NTM: variants seen among roughly 807,000 people sequenced by gnomAD.
The protein encoded by NTM is IgLON family member 2.
A neutral mutation model predicts 42.1 loss-of-function variants in NTM; 13 were observed. The ratio of observed to expected loss-of-function variants is 0.31; its 90% CI spans 0.20 to 0.49. The LOEUF (loss-of-function observed/expected upper bound fraction) is 0.49. Among genes scored for constraint, NTM ranks in the 20% least tolerant of loss-of-function variants. The probability of loss-of-function intolerance (pLI) is 0.99; values close to 1 mark genes in which losing one functional copy is unlikely to be tolerated. For missense variants in NTM, 373 were observed against 452.8 expected (o/e 0.82, Z 1.60); for synonymous variants, 187 against 179.2 (o/e 1.04, Z -0.35).
At chr11:131,421,119 G>A (rs1947473258) in intron 1 of NTM, among the ~76,000 whole-genome samples, 1 of 152,194 alleles carries the variant, frequency 6.6e-6, no homozygotes. Context: ...GGAGAAGCAT[G>A]CCATCTTATT....
intron 1 of NTM, among the ~76,000 whole-genome samples, chr11:131,729,439 T>C (rs995034931): frequency 6.6e-6 from 1 of 152,228 alleles, no homozygotes; most frequent in African/African-American, 2.4e-5. Flanking sequence ...AATTGAGATA[T>C]AATTCATGCT....
At chr11:131,404,133 A>C (rs1945551579) in intron 1 of NTM, among the ~76,000 whole-genome samples, 1 of 152,124 alleles carries the variant, frequency 6.6e-6, no homozygotes, top group Non-Finnish European at 1.5e-5. Flanking sequence ...TCTTCTCGGT[A>C]AAGCTTCTTA....
At chr11:132,297,955 G>A (rs2094686379) in intron 4 of NTM, among the ~76,000 whole-genome samples, 1 of 152,142 alleles carries the variant, frequency 6.6e-6, no homozygotes, top group Admixed American at 6.6e-5. Context: ...AAGAACCCCT[G>A]CCCTACAAAA....
chr11:131,456,585 G>A (rs1950915137), intron 1 of NTM, among the ~76,000 whole-genome samples: 1 of 152,036 alleles, frequency 6.6e-6, no homozygotes, highest in African/African-American at 2.4e-5. Context: ...GCAAAGAGGG[G>A]GTTCAGCTCA....
At chr11:131,947,181 A>G (rs1308467888) in intron 2 of NTM, among the ~76,000 whole-genome samples, 1 of 152,200 alleles carries the variant, frequency 6.6e-6, no homozygotes, top group Admixed American at 6.5e-5. Context: ...CTTTTCATAT[A>G]GGTTCCATGC....
intron 1 of NTM, among the ~76,000 whole-genome samples, chr11:131,709,902 A>G (rs2076949815): frequency 6.6e-6 from 1 of 152,148 alleles, no homozygotes; most frequent in Non-Finnish European, 1.5e-5. Flanking sequence ...TGATGGAAGG[A>G]AAAAATAAGA....
chr11:131,515,973 G>A (rs1278668340), intron 1 of NTM, among the ~76,000 whole-genome samples: 1 of 152,160 alleles, frequency 6.6e-6, no homozygotes, highest in Non-Finnish European at 1.5e-5. Flanking sequence ...TATGGAATTA[G>A]GGTTTAGAAA....
intron 1 of NTM, among the ~76,000 whole-genome samples, chr11:131,902,378 C>T (rs1378352106): frequency 1.3e-5 from 2 of 152,220 alleles, no homozygotes; most frequent in Admixed American, 1.3e-4. Context: ...CTCACTGGTG[C>T]TTTGTCCCCT....
At chr11:132,317,930 G>A (rs75080811) in intron 7 of NTM, among the ~76,000 whole-genome samples, 17 of 152,184 alleles carry the variant, frequency 1.1e-4, no homozygotes, top group African/African-American at 2.2e-4. Context: ...GAAAAGTATC[G>A]TTAAATTCTC....
chr11:131,384,294 T>G (rs1359124750), intron 1 of NTM, among the ~76,000 whole-genome samples: 2 of 152,096 alleles, frequency 1.3e-5, no homozygotes, highest in African/African-American at 4.8e-5. Context: ...AAAAGCAGAT[T>G]GACAAAAAGT....
chr11:131,817,874 C>A (rs1238880283), intron 1 of NTM, among the ~76,000 whole-genome samples: 6 of 152,250 alleles, frequency 3.9e-5, no homozygotes, highest in African/African-American at 1.4e-4. Flanking sequence ...CTCATGGGAG[C>A]TGAGAGGCCC....
intron 2 of NTM, among the ~76,000 whole-genome samples, chr11:132,046,400 C>G (rs61901973): frequency 6.6e-6 from 1 of 151,248 alleles, no homozygotes; most frequent in Non-Finnish European, 1.5e-5. Context: ...AAAAAAAACC[C>G]ACCCCTTTAC....
intron 4 of NTM, among the ~76,000 whole-genome samples, chr11:132,215,671 T>A (rs536306681): frequency 6.6e-6 from 1 of 152,354 alleles, no homozygotes; most frequent in East Asian, 1.9e-4. Context: ...ATTGATTGTT[T>A]GAATAATTTC....
At chr11:131,729,755 T>A (rs1005097048) in intron 1 of NTM, among the ~76,000 whole-genome samples, 4 of 152,240 alleles carry the variant, frequency 2.6e-5, no homozygotes, top group Non-Finnish European at 4.4e-5. Flanking sequence ...AGCACTTTTT[T>A]TCCTTTTATG....
At chr11:131,980,747 T>A (rs192237750) in intron 2 of NTM, among the ~76,000 whole-genome samples, 2 of 152,220 alleles carry the variant, frequency 1.3e-5, no homozygotes, top group East Asian at 3.9e-4. Flanking sequence ...AGATGCTCAG[T>A]GTGGTGATAG....
intron 1 of NTM, among the ~76,000 whole-genome samples, chr11:131,705,227 G>C (rs1004276700): frequency 2.0e-5 from 3 of 152,196 alleles, no homozygotes; most frequent in Non-Finnish European, 2.9e-5. Flanking sequence ...GAAGCAGTAA[G>C]AGAAAAGTGA....
intron 1 of NTM, among the ~76,000 whole-genome samples, chr11:131,716,790 A>AC (rs2077737289): frequency 6.6e-6 from 1 of 151,976 alleles, no homozygotes; most frequent in Non-Finnish European, 1.5e-5. Context: ...TCACTGGCCT[A>AC]TTTTTCAGTA....
At chr11:131,752,749 A>G (rs1031943080) in intron 1 of NTM, among the ~76,000 whole-genome samples, 1 of 151,590 alleles carries the variant, frequency 6.6e-6, no homozygotes, top group Non-Finnish European at 1.5e-5. Context: ...TTCAAGATTG[A>G]TTAAAGACTT....
At chr11:132,189,677 C>G (rs938088104) in intron 3 of NTM, among the ~76,000 whole-genome samples, 1 of 151,322 alleles carries the variant, frequency 6.6e-6, no homozygotes, top group Non-Finnish European at 1.5e-5. Flanking sequence ...CAGACACACA[C>G]GATACTTGAG....
Sources: allele counts gnomAD v4.1 joint callset (sites outside exome capture counted in the v4.1 genomes callset), GRCh38; gene constraint gnomAD v4.1.1; transcripts MANE v1.5; gene names NCBI Gene and HGNC (gene_info 2026-07-23, HGNC 2026-07-21).